NBN: variants seen among roughly 807,000 people sequenced by gnomAD.
NBN encodes the protein nibrin.
Under a neutral mutation model 90.8 loss-of-function variants are expected in NBN, and 88 were observed. The observed-to-expected ratio is 0.97, with a 90% confidence interval of 0.82 to 1.16. The LOEUF is 1.16. Among genes scored for constraint, NBN ranks in the 50% most tolerant of loss-of-function variants. The pLI is 0.00. For missense variants in NBN, 894 were observed against 869.6 expected (o/e 1.03, Z -0.35); for synonymous variants, 328 against 295.1 (o/e 1.11, Z -1.14).
At chr8:89,950,539 T>C (rs1810399697) in intron 11 of NBN, among the ~76,000 whole-genome samples, 1 of 152,124 alleles carries the variant, frequency 6.6e-6, no homozygotes, top group South Asian at 2.1e-4. Flanking sequence ...TGTATCTCAA[T>C]GAGAGATACC....
At position 89,935,505 on chromosome 8, in the gene NBN, A is replaced by G. The variant is rs1809628023; in HGVS notation, c.*77T>C. ...AACTTAAATCGCTTCTATACACTAT[A>G]TATTCATATAACCTTGTTGGCCTGA... On this transcript the variant is annotated 3_prime_UTR_variant, in exon 16 of 16. Transcript: ENST00000265433. 1.9e-6 allele frequency: 3 copies of G among 1,558,270 alleles called. No individual in the cohort carries two copies. Among genetic ancestry groups the G allele is most frequent in the East Asian group, 4.5e-5 (2 of 44,270 alleles).
At chr8:89,937,148 G>C (rs1809730415) in intron 14 of NBN, 73 bp from the exon 15 acceptor site, 1 of 1,384,896 alleles carries the variant, frequency 7.2e-7, no homozygotes, top group South Asian at 1.2e-5. Context: ...TATAGTGATA[G>C]GTCACTGTCA....
rs1554559015 is a variant in NBN, at chr8:89,955,299, G to A, written c.1381C>T (p.Pro461Ser). 1 of 1,613,498 alleles carries A rather than the reference G, an allele frequency of 6.2e-7. No individual in the cohort carries two copies. The highest frequency in any genetic ancestry group is 8.5e-7 in the Non-Finnish European group (1 of 1,179,704). Reference protein sequence around the residue: ...QTNSIRNYFQPSTKKRERDEE... With the variant: ...QTNSIRNYFQSSTKKRERDEE... The stretch of plus-strand genomic sequence containing the variant: ...AAAACAGACCTTTTTTTGGTAGACG[G>A]CTGAAAGTAGTTTCTGATGGAGTTG... The change falls in exon 10 of 16, where the codon CCG (proline) becomes TCG (serine). Residue 461 changes from proline to serine, a missense_variant. By Grantham distance (74) the Pro-to-Ser change is moderately conservative. Coordinates refer to ENST00000265433, the MANE Select transcript of NBN (RefSeq NM_002485.5).
At chr8:89,980,673 A>G (rs867046848) in intron 4 of NBN, 61 bp downstream of exon 4, 1 of 1,422,434 alleles carries the variant, frequency 7.0e-7, no homozygotes, top group Middle Eastern at 1.9e-4. Flanking sequence ...ATCTGTGTAT[A>G]GTGGGTAAGC....
intron 9 of NBN, 25 bp downstream of exon 9, chr8:89,958,700 T>G: frequency 6.2e-7 from 1 of 1,607,240 alleles, no homozygotes; most frequent in Non-Finnish European, 8.5e-7. Context: ...ATAATAACAA[T>G]AGTACGGTAA....
rs990895316 is a variant in NBN, at chr8:89,934,275, C to T, written c.*1307G>A. On this transcript the variant is annotated 3_prime_UTR_variant, in exon 16 of 16. Transcript: ENST00000265433. ...TCCCATGTTCTATCCAATGTCATAC[C>T]ACTATCATAATTTAAGTGTTCATAA... The T allele has an allele frequency of 2.2e-5, 5 of 232,116 alleles. No homozygotes were observed. Among genetic ancestry groups the T allele is most frequent in the Admixed American group, 1.1e-4 (2 of 17,742 alleles). The allele number at this position is 232,116 out of a possible 1,614,324, so 14.4% of individuals were successfully genotyped here. A position where few individuals can be genotyped will look rare whatever the true frequency, so the allele number is the denominator to read the frequency against.
rs876659147 is a variant in NBN at position 89,970,420 on chromosome 8, G to T, written c.840C>A (p.Thr280=). The T allele has an allele frequency of 6.2e-7, 1 of 1,613,912 alleles. No homozygotes were observed. Among genetic ancestry groups the T allele is most frequent in the Non-Finnish European group, 8.5e-7 (1 of 1,179,906 alleles). Residue 280 remains threonine, a synonymous_variant, in exon 7 of 16, where the codon ACC becomes ACA. Transcript: ENST00000265433. The stretch of plus-strand genomic sequence containing the variant: ...ATTTCTTCTGACAGTCAGGAATTAA[G>T]GTCTGTGAGTTTGTTATTCCTGTAT... ...VVDTGITNSQ[T]LIPDCQKKWI...
At chr8:89,939,921 T>C (rs1272550424) in intron 14 of NBN, among the ~76,000 whole-genome samples, 1 of 152,146 alleles carries the variant, frequency 6.6e-6, no homozygotes, top group Non-Finnish European at 1.5e-5. Context: ...AGGAGACAGC[T>C]AGCCCAAGCT....
At chr8:89,965,381 C>T (rs1586077986) in intron 7 of NBN, among the ~76,000 whole-genome samples, 1 of 152,040 alleles carries the variant, frequency 6.6e-6, no homozygotes, top group Non-Finnish European at 1.5e-5. Flanking sequence ...TCTGTAAGGT[C>T]AATGACTGAT....
At chr8:89,952,205 T>C (rs1810475895) in intron 11 of NBN, among the ~76,000 whole-genome samples, 1 of 152,228 alleles carries the variant, frequency 6.6e-6, no homozygotes, top group Non-Finnish European at 1.5e-5. Flanking sequence ...CGGAAGCCAC[T>C]GATTTTAGAA....
intron 14 of NBN, among the ~76,000 whole-genome samples, chr8:89,940,144 G>A (rs1228628844): frequency 6.6e-6 from 1 of 151,970 alleles, no homozygotes; most frequent in Non-Finnish European, 1.5e-5. Flanking sequence ...GAAGTGCAGG[G>A]GCTCAATCAT....
Position 89,937,812 on chromosome 8 carries a change from T to G in NBN, c.2185-737A>C, listed in dbSNP as rs13312964. ...GTGGACTCTGTATGCCGGTTAAAAC[T>G]GAATCACACAAAAAAGAAAAAAGCA... On this transcript the variant is annotated intron_variant, in intron 14 of 15. Coordinates refer to ENST00000265433, the MANE Select transcript of NBN (RefSeq NM_002485.5). Among the ~76,000 whole-genome samples the G allele has an allele frequency of 6.9e-3, 1,057 of 152,262 alleles. 10 individuals carry two copies. Among genetic ancestry groups the G allele is most frequent in the African/African-American group, 0.024 (1,005 of 41,550 alleles).
At chr8:89,981,862 T>A in intron 2 of NBN, 2 of 647,802 alleles carry the variant, frequency 3.1e-6, no homozygotes, top group African/African-American at 1.9e-5. Context: ...CATTCCTAGA[T>A]CTTTTTTTGT....
Position 89,970,437 on chromosome 8 carries a change from T to C in NBN, c.823A>G (p.Ile275Val). 1 of 1,614,072 alleles carries C rather than the reference T, an allele frequency of 6.2e-7. No individual in the cohort carries two copies. The highest frequency in any genetic ancestry group is 8.5e-7 in the Non-Finnish European group (1 of 1,179,946). ...GGAATTAAGGTCTGTGAGTTTGTTATTCCTGTATCAACAACACACGTTCCC... is the reference window on the plus strand; with the variant it reads ...GGAATTAAGGTCTGTGAGTTTGTTACTCCTGTATCAACAACACACGTTCCC... ...APGTCVVDTG[I>V]TNSQTLIPDC... Residue 275 changes from isoleucine (I) to valine (V), a missense_variant, in exon 7 of 16, where the codon ATA (isoleucine) becomes GTA (valine). Transcript: ENST00000265433.
Position 89,947,829 on chromosome 8 carries a change from T to C in NBN, c.1909A>G (p.Ile637Val). ...ATTAATAAAACGTTTCTCACAGATA[T>C]TTCTTTAGCTGACCATAGTGAGTCT... ...KEDSLWSAKE[I>V]SNNDKLQDDS... is the part of the protein sequence containing the mutation. The change falls in exon 12 of 16, where the codon ATA becomes GTA. Residue 637 changes from isoleucine (I) to valine (V), a missense_variant. Physicochemically the swap from Ile to Val is conservative, Grantham distance 29. Coordinates refer to ENST00000265433, the MANE Select transcript of NBN (RefSeq NM_002485.5). The C allele has an allele frequency of 1.3e-6, 2 of 1,564,576 alleles. No homozygotes were observed. The highest frequency in any genetic ancestry group is 1.8e-6 in the Non-Finnish European group (2 of 1,139,764).
chr8:89,933,594 A>G lies in NBN; in HGVS notation c.*1988T>C, dbSNP rs1809534373. ...GGATACTTGTATGGGGGAAAAAAAG[A>G]ACCCTGATCCATAATTCACAACATA... On this transcript the variant is annotated 3_prime_UTR_variant, in exon 16 of 16. Transcript: ENST00000265433. 1 of 232,162 alleles carries G rather than the reference A, an allele frequency of 4.3e-6. No homozygotes were observed. The highest frequency in any genetic ancestry group is 8.5e-6 in the Non-Finnish European group (1 of 117,494). 14.4% of individuals were successfully genotyped at this position (232,162 alleles called of 1,614,324 possible).
intron 11 of NBN, 162 bp from the exon 12 acceptor site, chr8:89,948,054 C>T (rs1025640626): frequency 1.3e-5 from 2 of 153,720 alleles, no homozygotes; most frequent in African/African-American, 4.8e-5. Flanking sequence ...TTTCAACTGT[C>T]TTTCCAAAAG....
chr8:89,984,563 G>T lies in NBN; in HGVS notation c.-2C>A, dbSNP rs202104448. 9.9e-6 allele frequency: 16 copies of T among 1,612,992 alleles called. 1 individual carries two copies. In the Admixed American group the frequency reaches 1.3e-4, roughly 13 times the overall value. On this transcript the variant is annotated 5_prime_UTR_variant, in exon 1 of 16. Coordinates refer to ENST00000265433, the MANE Select transcript of NBN (RefSeq NM_002485.5). ...CGCGGCGGGCAGCAGTTTCCACATC[G>T]GTCCGGCTCCTCAGGGCTGGGGCCG...
chr8:89,953,445 A>G lies in NBN; in HGVS notation c.1644T>C (p.Asn548=). The change falls in exon 11 of 16, where the codon AAT becomes AAC. Residue 548 remains asparagine (N), a synonymous_variant. Coordinates refer to ENST00000265433, the MANE Select transcript of NBN (RefSeq NM_002485.5). ...KSHAAEKLRS[N]KKREMDDVAI... ...CCACATCATCCATTTCCCTTTTTTT[A>G]TTTGATCTTAGCTTTTCTGCAGCAT... 1 of 1,613,304 alleles carries G rather than the reference A, an allele frequency of 6.2e-7. No homozygotes were observed.
Sources: gnomAD v4.1 joint callset for allele counts (sites outside exome capture counted in the v4.1 genomes callset) on GRCh38, gnomAD v4.1.1 for gene constraint, MANE v1.5 for transcripts, NCBI Gene and HGNC (gene_info 2026-07-23, HGNC 2026-07-21) for gene names.